The following DDX31 variants were observed in gnomAD, a reference collection of about 807,000 sequenced individuals.
The protein encoded by DDX31 is ATP-dependent DNA helicase DDX31.
A neutral mutation model predicts 91.3 loss-of-function variants in DDX31; 70 were observed. That is an observed-to-expected ratio of 0.77 (90% confidence interval 0.63 to 0.94). The LOEUF is 0.94. Among genes scored for constraint, DDX31 ranks in the 40% least tolerant of loss-of-function variants. The pLI, the probability that DDX31 is intolerant of heterozygous loss-of-function variation, is 0.00. For missense variants in DDX31, 902 were observed against 925.0 expected (o/e 0.98, Z 0.32); for synonymous variants, 362 against 350.6 (o/e 1.03, Z -0.36).
At chr9:132,643,808 C>T (rs1160687315) in intron 13 of DDX31, among the ~76,000 whole-genome samples, 2 of 151,806 alleles carry the variant, frequency 1.3e-5, no homozygotes, top group Non-Finnish European at 2.9e-5. Context: ...TCTTTATAAA[C>T]GATCATTTTT....
At chr9:132,619,745 A>G (rs1438474921) in intron 17 of DDX31, among the ~76,000 whole-genome samples, 1 of 152,052 alleles carries the variant, frequency 6.6e-6, no homozygotes, top group Non-Finnish European at 1.5e-5. Flanking sequence ...CCGTGTTACC[A>G]AAGTGGACAT....
chr9:132,658,891 G>A (rs986852783), intron 5 of DDX31, among the ~76,000 whole-genome samples, 156 bp from the exon 6 acceptor site: 3 of 152,182 alleles, frequency 2.0e-5, no homozygotes, highest in Non-Finnish European at 4.4e-5. Flanking sequence ...GAAGTGAAAA[G>A]GGACTTCCCC....
chr9:132,652,331 A>C, intron 7 of DDX31, 117 bp downstream of exon 7: 1 of 1,168,948 alleles, frequency 8.6e-7, no homozygotes, highest in Non-Finnish European at 1.2e-6. Flanking sequence ...AGGCAAATGG[A>C]ACTGGTGTGC....
At position 132,593,188 on chromosome 9, in the gene DDX31, G is replaced by A. The variant is rs1035612360; in HGVS notation, c.*1678C>T. The A allele has an allele frequency of 6.6e-6, 1 of 152,122 alleles. No individual in the cohort carries two copies. The highest frequency in any genetic ancestry group is 2.4e-5 in the African/African-American group (1 of 41,410). 9.4% of individuals were successfully genotyped at this position (152,122 alleles called of 1,614,324 possible). ...ATTAAGTGTGTAAGTTTTGATCTTG[G>A]AATTATCGTCACTCACACGTTGCAT... On this transcript the variant is annotated 3_prime_UTR_variant, in exon 20 of 20. Coordinates refer to ENST00000372159, the MANE Select transcript of DDX31 (RefSeq NM_022779.9).
intron 17 of DDX31, among the ~76,000 whole-genome samples, chr9:132,621,598 T>G (rs900515800): frequency 6.6e-6 from 1 of 152,212 alleles, no homozygotes; most frequent in Non-Finnish European, 1.5e-5. Context: ...ATGAGGTGTC[T>G]GGCTATCTGA....
intron 8 of DDX31, 139 bp from the exon 9 acceptor site, chr9:132,650,437 A>T: frequency 1.3e-6 from 1 of 781,366 alleles, no homozygotes; most frequent in Non-Finnish European, 2.2e-6. Context: ...TTGTGCAGAC[A>T]CAATTCCTAG....
chr9:132,658,817 C>T, intron 5 of DDX31, 82 bp from the exon 6 acceptor site: 2 of 1,289,090 alleles, frequency 1.6e-6, no homozygotes, highest in Non-Finnish European at 2.2e-6. Flanking sequence ...AGGAAACAGG[C>T]TCTGCTATCT....
In DDX31 at chr9:132,646,089, G is replaced by A. The variant is rs1337755539; in HGVS notation, c.1204-18C>T. 7 of 1,605,276 alleles carry A rather than the reference G, an allele frequency of 4.4e-6. No homozygotes were observed. The highest frequency in any genetic ancestry group is 5.1e-6 in the Non-Finnish European group (6 of 1,173,720). ...TCCTCAAACTACATCGATACAAAGGGAGGAAAAACCGACATATTTTAAGAT... is the reference window on the plus strand; with the variant it reads ...TCCTCAAACTACATCGATACAAAGGAAGGAAAAACCGACATATTTTAAGAT... On this transcript the variant is annotated intron_variant, in intron 12 of 19. Coordinates refer to ENST00000372159, the MANE Select transcript of DDX31 (RefSeq NM_022779.9).
chr9:132,648,435 T>A lies in DDX31; in HGVS notation c.857A>T (p.Asp286Val). The change falls in exon 10 of 20, where the codon GAC becomes GTC. Residue 286 changes from aspartate to valine, a missense_variant. Asp to Val is a radical substitution (Grantham distance 152, BLOSUM62 -3). Transcript: ENST00000372159. ...ATCATCCTGGGACGAGGCTCACCTG[T>A]CTGCTTCATCAAACACCAACCACCG... Reference protein sequence around the residue: ...RLRWLVFDEADRILDLGFEKD... With the variant: ...RLRWLVFDEAVRILDLGFEKD... The A allele has an allele frequency of 6.2e-7, 1 of 1,613,412 alleles. No individual in the cohort carries two copies. Among genetic ancestry groups the A allele is most frequent in the Non-Finnish European group, 8.5e-7 (1 of 1,179,778 alleles).
At chr9:132,611,573 A>C (rs1036926127) in intron 19 of DDX31, among the ~76,000 whole-genome samples, 3 of 151,478 alleles carry the variant, frequency 2.0e-5, no homozygotes, top group Non-Finnish European at 4.4e-5. Flanking sequence ...TCTTTTTGGG[A>C]GGAAAGGGCT....
At chr9:132,652,038 GAA>G (rs1393115347) in intron 7 of DDX31, among the ~76,000 whole-genome samples, 1 of 151,992 alleles carries the variant, frequency 6.6e-6, no homozygotes, top group Non-Finnish European at 1.5e-5. Flanking sequence ...AAAAAATATT[GAA>G]AAGTTTAACT....
intron 19 of DDX31, among the ~76,000 whole-genome samples, chr9:132,604,708 C>T (rs532377054): frequency 2.6e-5 from 4 of 152,334 alleles, no homozygotes; most frequent in African/African-American, 9.6e-5. Flanking sequence ...GATTCCCCAG[C>T]AGACTTCCAG....
rs1169385831 is a variant in DDX31, at chr9:132,594,646, G to A, written c.*220C>T. 4 of 651,114 alleles carry A rather than the reference G, an allele frequency of 6.1e-6. No homozygotes were observed. The highest frequency in any genetic ancestry group is 6.3e-5 in the East Asian group (2 of 31,762). The allele number at this position is 651,114 out of a possible 1,614,324, so 40.3% of individuals were successfully genotyped here. A position where few individuals can be genotyped will look rare whatever the true frequency, so the allele number is the denominator to read the frequency against. On this transcript the variant is annotated 3_prime_UTR_variant, in exon 20 of 20. Transcript: ENST00000372159. ...TCAATACAAGACACAGACCCCTTCC[G>A]TCGGGAGCTGGCTAGTCTCTACAGT...
chr9:132,658,296 C>T (rs1366406974), intron 6 of DDX31: 1 of 703,072 alleles, frequency 1.4e-6, no homozygotes, highest in Non-Finnish European at 2.6e-6. Flanking sequence ...TGCTGCATGG[C>T]CTTGGTTATT....
At position 132,627,191 on chromosome 9, in the gene DDX31, C is replaced by T. The variant is rs371012789; in HGVS notation, c.1632-1446G>A. 1.7e-4 allele frequency among the ~76,000 whole-genome samples: 26 copies of T among 152,260 alleles called. 1 individual carries two copies. In the South Asian group the frequency reaches 2.7e-3, roughly 16 times the overall value. On this transcript the variant is annotated intron_variant, in intron 16 of 19. Coordinates refer to ENST00000372159, the MANE Select transcript of DDX31 (RefSeq NM_022779.9). ...TGAAGCAGAAAGAAAAGAGTAATGC[C>T]GTTTGCAGTCAGGAACAGAAAAAGC...
chr9:132,637,742 A>C (rs1833213739), intron 14 of DDX31: 12 of 887,324 alleles, frequency 1.4e-5, no homozygotes, highest in Non-Finnish European at 1.6e-5. Flanking sequence ...CCGCCAAAAA[A>C]CTGGCAACAT....
At chr9:132,660,419 C>T (rs1834862295) in intron 4 of DDX31, among the ~76,000 whole-genome samples, 1 of 151,806 alleles carries the variant, frequency 6.6e-6, no homozygotes, top group South Asian at 2.1e-4. Flanking sequence ...CTTGCCCTCA[C>T]TAACAGGAAT....
chr9:132,617,762 A>G (rs1176193799), intron 18 of DDX31, among the ~76,000 whole-genome samples: 1 of 152,218 alleles, frequency 6.6e-6, no homozygotes, highest in Non-Finnish European at 1.5e-5. Flanking sequence ...TGTGAAGTCT[A>G]CATCTAATGT....
chr9:132,656,210 C>T (rs560193019), intron 6 of DDX31, among the ~76,000 whole-genome samples: 2 of 152,278 alleles, frequency 1.3e-5, no homozygotes, highest in South Asian at 4.1e-4. Flanking sequence ...CTTAAATTTG[C>T]TGTGCCCTCC....
Sources: allele counts gnomAD v4.1 joint callset (sites outside exome capture counted in the v4.1 genomes callset), GRCh38; gene constraint gnomAD v4.1.1; transcripts MANE v1.5; gene names NCBI Gene and HGNC (gene_info 2026-07-23, HGNC 2026-07-21).